BCL2A1: variants seen among roughly 807,000 people sequenced by gnomAD.
The protein encoded by BCL2A1 is BCL2 related protein A1.
BCL2A1 carries 10 observed loss-of-function variants against 14.4 expected under a neutral mutation model. That is an observed-to-expected ratio of 0.69 (90% CI 0.43 to 1.18). The LOEUF is 1.18. Ranked by LOEUF, BCL2A1 falls within the 50% of genes most tolerant of loss-of-function variation. BCL2A1 has a pLI of 0.00. For missense variants in BCL2A1, 158 were observed against 205.0 expected (o/e 0.77, Z 1.40); for synonymous variants, 71 against 76.5 (o/e 0.93, Z 0.38).
chr15:79,963,715 A>G (rs1463244734), intron 1 of BCL2A1, among the ~76,000 whole-genome samples: 5 of 152,198 alleles, frequency 3.3e-5, no homozygotes, highest in African/African-American at 1.2e-4. Flanking sequence ...TTAGAAATTT[A>G]TCATGAGGCA....
chr15:79,961,201 A>G (rs899650910), intron 1 of BCL2A1, 27 bp from the exon 2 acceptor site: 10 of 1,593,430 alleles, frequency 6.3e-6, no homozygotes, highest in Non-Finnish European at 7.7e-6. Flanking sequence ...TTAACACTTT[A>G]AACATCATTG....
intron 1 of BCL2A1, among the ~76,000 whole-genome samples, chr15:79,965,423 G>A (rs904491304): frequency 1.3e-5 from 2 of 152,128 alleles, no homozygotes; most frequent in Middle Eastern, 3.2e-3. Context: ...CAATGCGCCC[G>A]GCCCCTCAAG....
chr15:79,962,126 G>A (rs974707779), intron 1 of BCL2A1, among the ~76,000 whole-genome samples: 1 of 152,210 alleles, frequency 6.6e-6, no homozygotes. Context: ...ACAGGTTTCA[G>A]AACCTTGGGG....
chr15:79,970,690 T>C lies in BCL2A1; in HGVS notation c.420+10A>G, dbSNP rs1303974071. On this transcript the variant is annotated intron_variant, in intron 1 of 1. Transcript: ENST00000267953. ...GAAAGAACAATGAAGAATTTTTCCA[T>C]CACACATACCCAGCCTCCGTTTTGC... The C allele has an allele frequency of 5.7e-6, 9 of 1,571,420 alleles. No homozygotes were observed. Among genetic ancestry groups the C allele is most frequent in the African/African-American group, 1.4e-5 (1 of 73,152 alleles).
intron 1 of BCL2A1, among the ~76,000 whole-genome samples, chr15:79,969,736 T>A (rs2035577086): frequency 6.6e-6 from 1 of 152,188 alleles, no homozygotes; most frequent in African/African-American, 2.4e-5. Flanking sequence ...CATATACATT[T>A]TATATAAAAC....
chr15:79,967,150 C>T (rs1317172990), intron 1 of BCL2A1, among the ~76,000 whole-genome samples: 1 of 151,816 alleles, frequency 6.6e-6, no homozygotes, highest in African/African-American at 2.4e-5. Context: ...AGCACTCGAG[C>T]CCAGAAATGA....
chr15:79,961,602 G>A (rs551367600), intron 1 of BCL2A1, among the ~76,000 whole-genome samples: 2 of 151,214 alleles, frequency 1.3e-5, no homozygotes, highest in East Asian at 1.9e-4. Flanking sequence ...TTTTTTTCTC[G>A]TTCTTGTTCA....
rs529012194 is a variant in BCL2A1 at position 79,967,723 on chromosome 15, T to G, written c.420+2977A>C. 4 of 1,335,004 alleles carry G rather than the reference T, an allele frequency of 3.0e-6. No homozygotes were observed. In the East Asian group the frequency reaches 9.3e-5, roughly 31 times the overall value. The allele number at this position is 1,335,004 out of a possible 1,614,324, so 82.7% of individuals were successfully genotyped here. ...ATGAATCATTCAAGAGTAAATTCAT[T>G]CATTTAAGCAGATTTGTCAACATCA... On this transcript the variant is annotated intron_variant, in intron 1 of 1. Transcript: ENST00000267953.
chr15:79,971,156 C>G lies in BCL2A1; in HGVS notation c.-37G>C, dbSNP rs772805327. ...TGGAGAGCAAAGTCTTGAGCTGGCT[C>G]ACCTTGAAGCTGTTGAGGCAATGTG... On this transcript the variant is annotated 5_prime_UTR_variant, in exon 1 of 2. Transcript: ENST00000267953. The G allele has an allele frequency of 1.9e-6, 3 of 1,590,216 alleles. No individual in the cohort carries two copies. Among genetic ancestry groups the G allele is most frequent in the Non-Finnish European group, 2.6e-6 (3 of 1,165,698 alleles).
At chr15:79,963,187 A>G (rs1014657978) in intron 1 of BCL2A1, among the ~76,000 whole-genome samples, 5 of 151,930 alleles carry the variant, frequency 3.3e-5, no homozygotes, top group Admixed American at 6.6e-5. Flanking sequence ...ACCGGGTTTC[A>G]CCATGTTGGC....
chr15:79,966,273 T>C (rs1361003250), intron 1 of BCL2A1, among the ~76,000 whole-genome samples: 1 of 152,202 alleles, frequency 6.6e-6, no homozygotes, highest in Non-Finnish European at 1.5e-5. Context: ...ATATACATTA[T>C]ATAAGGAATC....
chr15:79,964,184 G>A (rs2035516124), intron 1 of BCL2A1, among the ~76,000 whole-genome samples: 2 of 152,138 alleles, frequency 1.3e-5, no homozygotes, highest in African/African-American at 2.4e-5. Context: ...GAATAGTTCA[G>A]GCCTTATTAT....
Position 79,961,144 on chromosome 15 carries a change from T to C in BCL2A1, c.451A>G (p.Lys151Glu), listed in dbSNP as rs778766784. 1 of 1,614,132 alleles carries C rather than the reference T, an allele frequency of 6.2e-7. No homozygotes were observed. Among genetic ancestry groups the C allele is most frequent in the East Asian group, 2.2e-5 (1 of 44,860 alleles). ...ENGFVKKFEPKSGWMTFLEVT... is the reference protein window; with the variant it reads ...ENGFVKKFEPESGWMTFLEVT... ...TCTAGAAAAGTCATCCAGCCAGATTTAGGTTCAAACTTCTTTACAAAGCCA... is the reference window on the plus strand; with the variant it reads ...TCTAGAAAAGTCATCCAGCCAGATTCAGGTTCAAACTTCTTTACAAAGCCA... Residue 151 changes from lysine to glutamate, a missense_variant, in exon 2 of 2, where the codon AAA becomes GAA. Transcript: ENST00000267953.
chr15:79,968,251 T>A (rs2035562963), intron 1 of BCL2A1, among the ~76,000 whole-genome samples: 1 of 152,194 alleles, frequency 6.6e-6, no homozygotes, highest in Non-Finnish European at 1.5e-5. Flanking sequence ...GCCTGCAAAC[T>A]AGTAGAGTAT....
At chr15:79,967,614 G>A (rs912304312) in intron 1 of BCL2A1, 1 of 944,136 alleles carries the variant, frequency 1.1e-6, no homozygotes, top group African/African-American at 1.7e-5. Flanking sequence ...TGATAAAGCT[G>A]TAAGTGCCTT....
At chr15:79,968,019 G>T (rs1405795380) in intron 1 of BCL2A1, among the ~76,000 whole-genome samples, 4 of 151,952 alleles carry the variant, frequency 2.6e-5, no homozygotes, top group Non-Finnish European at 5.9e-5. Context: ...CTCGGGAGAG[G>T]TTCATCCGGC....
intron 1 of BCL2A1, 138 bp from the exon 2 acceptor site, chr15:79,961,312 A>G (rs2035488688): frequency 1.2e-6 from 1 of 804,984 alleles, no homozygotes; most frequent in Non-Finnish European, 1.9e-6. Context: ...AGCAGCATCT[A>G]ACAGAAATAC....
chr15:79,964,707 T>C (rs1247438341), intron 1 of BCL2A1, among the ~76,000 whole-genome samples: 6 of 152,150 alleles, frequency 3.9e-5, no homozygotes, highest in Non-Finnish European at 4.4e-5. Flanking sequence ...AAATATGCAA[T>C]GGGATGTCCA....
chr15:79,967,367 C>G (rs62025492), intron 1 of BCL2A1, among the ~76,000 whole-genome samples: 1 of 152,020 alleles, frequency 6.6e-6, no homozygotes, highest in Non-Finnish European at 1.5e-5. Context: ...TAGGCATCCG[C>G]CACCAGGCCC....
Sources: gnomAD v4.1 joint callset for allele counts (sites outside exome capture counted in the v4.1 genomes callset) on GRCh38, gnomAD v4.1.1 for gene constraint, MANE v1.5 for transcripts, NCBI Gene and HGNC (gene_info 2026-07-23, HGNC 2026-07-21) for gene names.